IL26: variants seen among roughly 807,000 people sequenced by gnomAD.
IL26 encodes interleukin-26.
In IL26, 23 loss-of-function variants were observed where a neutral mutation model predicts 21.7. The observed-to-expected ratio is 1.06, with a 90% CI of 0.76 to 1.50. IL26 has a LOEUF of 1.50. Ranked by LOEUF, IL26 falls within the 40% of genes most tolerant of loss-of-function variation. The probability of loss-of-function intolerance (pLI) is 0.00; values close to 1 mark genes in which losing one functional copy is unlikely to be tolerated. For missense variants in IL26, 204 were observed against 196.0 expected (o/e 1.04, Z -0.24); for synonymous variants, 63 against 67.8 (o/e 0.93, Z 0.34).
intron 3 of IL26, among the ~76,000 whole-genome samples, chr12:68,223,941 A>G (rs1325755453): frequency 7.2e-6 from 1 of 138,968 alleles, no homozygotes; most frequent in Non-Finnish European, 1.5e-5. Context: ...ATCTACTCAC[A>G]CTCATAAAAT....
In IL26 at chr12:68,210,711, C is replaced by T. The variant is rs11571036; in HGVS notation, c.364-8628G>A. ...AGATCATCTGATATAGGTAAGCTAGCTTACCTAGAATAATCTTAAACCCTT... is the reference window on the plus strand; with the variant it reads ...AGATCATCTGATATAGGTAAGCTAGTTTACCTAGAATAATCTTAAACCCTT... On this transcript the variant is annotated intron_variant, in intron 3 of 4. Coordinates refer to ENST00000229134, the MANE Select transcript of IL26 (RefSeq NM_018402.2). 4.5e-3 allele frequency among the ~76,000 whole-genome samples: 691 copies of T among 152,206 alleles called. 2 individuals carry two copies. The highest frequency in any genetic ancestry group is 0.016 in the African/African-American group (652 of 41,538).
chr12:68,214,838 A>G (rs1026565727), intron 3 of IL26, among the ~76,000 whole-genome samples: 1 of 149,218 alleles, frequency 6.7e-6, no homozygotes, highest in Non-Finnish European at 1.5e-5. Context: ...CAATGTTATC[A>G]TTGATAGGTA....
intron 3 of IL26, among the ~76,000 whole-genome samples, chr12:68,208,181 G>A (rs1351886095): frequency 6.6e-6 from 1 of 152,160 alleles, no homozygotes; most frequent in Non-Finnish European, 1.5e-5. Context: ...AAACATGACT[G>A]CTCCAGGAGA....
chr12:68,201,963 A>T, intron 4 of IL26, 32 bp from the exon 5 acceptor site: 1 of 1,559,172 alleles, frequency 6.4e-7, no homozygotes, highest in East Asian at 2.3e-5. Flanking sequence ...AAGAGAATAA[A>T]TTTTTCCTAT....
At chr12:68,204,344 C>A (rs775161015) in intron 3 of IL26, among the ~76,000 whole-genome samples, 1 of 151,888 alleles carries the variant, frequency 6.6e-6, no homozygotes, top group Non-Finnish European at 1.5e-5. Context: ...GGGGTTTCAC[C>A]GTGTTAGCCA....
At chr12:68,217,689 C>T (rs1178724624) in intron 3 of IL26, among the ~76,000 whole-genome samples, 1 of 152,054 alleles carries the variant, frequency 6.6e-6, no homozygotes, top group East Asian at 1.9e-4. Context: ...AAATAAAGAT[C>T]ATACATCATG....
intron 3 of IL26, among the ~76,000 whole-genome samples, chr12:68,224,944 C>G (rs570406170): frequency 2.6e-5 from 4 of 152,196 alleles, no homozygotes; most frequent in Non-Finnish European, 5.9e-5. Context: ...ATGAGCCATT[C>G]TTTAAGAAAT....
chr12:68,221,823 C>A (rs1403724806), intron 3 of IL26, among the ~76,000 whole-genome samples: 6 of 152,100 alleles, frequency 3.9e-5, no homozygotes, highest in Admixed American at 3.9e-4. Flanking sequence ...TAATATAGTA[C>A]ATAAGTATTC....
chr12:68,204,049 G>C (rs756175416), intron 3 of IL26, among the ~76,000 whole-genome samples: 1 of 151,900 alleles, frequency 6.6e-6, no homozygotes, highest in Non-Finnish European at 1.5e-5. Context: ...ATCTGTGAAT[G>C]CTCAGTAAAA....
At chr12:68,209,185 G>A (rs1868631147) in intron 3 of IL26, among the ~76,000 whole-genome samples, 2 of 152,158 alleles carry the variant, frequency 1.3e-5, no homozygotes, top group Admixed American at 6.5e-5. Flanking sequence ...ACACCGGGTC[G>A]TGGGGGCAAC....
intron 3 of IL26, among the ~76,000 whole-genome samples, chr12:68,220,386 G>A (rs577545810): frequency 6.6e-6 from 1 of 152,058 alleles, no homozygotes; most frequent in African/African-American, 2.4e-5. Flanking sequence ...TGCAAGATTG[G>A]TTTAACTTTG....
intron 3 of IL26, among the ~76,000 whole-genome samples, chr12:68,224,727 G>GA (rs1869184244): frequency 7.1e-6 from 1 of 141,340 alleles, no homozygotes; most frequent in Non-Finnish European, 1.6e-5. Context: ...AGGGAAGGAA[G>GA]GGAGGGAGGG....
intron 3 of IL26, among the ~76,000 whole-genome samples, chr12:68,206,357 G>A (rs1254538864): frequency 6.6e-6 from 1 of 152,118 alleles, no homozygotes; most frequent in Admixed American, 6.5e-5. Context: ...AATTAGAGAT[G>A]TTGTATATGG....
intron 3 of IL26, among the ~76,000 whole-genome samples, chr12:68,210,760 A>C (rs976112980): frequency 6.6e-6 from 1 of 152,174 alleles, no homozygotes; most frequent in South Asian, 2.1e-4. Flanking sequence ...TCATGTTCCA[A>C]CCATAGAAAA....
chr12:68,210,381 A>G (rs967417938), intron 3 of IL26, among the ~76,000 whole-genome samples: 1 of 115,322 alleles, frequency 8.7e-6, no homozygotes, highest in South Asian at 2.9e-4. Context: ...AAAAAAAAAA[A>G]AAACAGCACA....
chr12:68,210,545 C>G (rs1868695419), intron 3 of IL26, among the ~76,000 whole-genome samples: 1 of 151,888 alleles, frequency 6.6e-6, no homozygotes, highest in African/African-American at 2.4e-5. Context: ...AATTATTAGC[C>G]AAGTGTCTCT....
intron 3 of IL26, among the ~76,000 whole-genome samples, chr12:68,223,883 G>GTTTTTTTTTTTTTTTTT (rs201652400): frequency 1.2e-5 from 1 of 81,916 alleles, no homozygotes; most frequent in African/African-American, 3.5e-5. Context: ...TAAATTTGGT[G>GTTTTTTTTTTTTTTTTT]GTTTTTTTTT....
At chr12:68,218,252 A>G (rs565664086) in intron 3 of IL26, among the ~76,000 whole-genome samples, 10 of 152,174 alleles carry the variant, frequency 6.6e-5, no homozygotes, top group Admixed American at 5.9e-4. Context: ...AAATCAATCA[A>G]TTGAAACCAA....
intron 3 of IL26, among the ~76,000 whole-genome samples, chr12:68,223,392 A>G (rs959012069): frequency 6.6e-6 from 1 of 152,164 alleles, no homozygotes; most frequent in African/African-American, 2.4e-5. Flanking sequence ...CTTTAGGAAA[A>G]CTTCACCAGA....
Sources: allele counts gnomAD v4.1 joint callset (sites outside exome capture counted in the v4.1 genomes callset), GRCh38; gene constraint gnomAD v4.1.1; transcripts MANE v1.5; gene names NCBI Gene and HGNC (gene_info 2026-07-23, HGNC 2026-07-21).